The following ACRV1 variants were observed in gnomAD, a reference collection of about 807,000 sequenced individuals.
The protein encoded by ACRV1 is acrosomal protein SP-10.
ACRV1 carries 17 observed loss-of-function variants against 29.2 expected under a neutral mutation model. That is an observed-to-expected ratio of 0.58 (90% confidence interval 0.40 to 0.87). The LOEUF (loss-of-function observed/expected upper bound fraction) is 0.87. Among genes scored for constraint, ACRV1 ranks in the 40% least tolerant of loss-of-function variants. The probability of loss-of-function intolerance (pLI) is 0.00; values close to 1 mark genes in which losing one functional copy is unlikely to be tolerated. For synonymous variants in ACRV1, 98 were observed against 111.6 expected (o/e 0.88, Z 0.77); for missense variants, 294 against 316.0 (o/e 0.93, Z 0.53).
chr11:125,676,861 C>T (rs1243925515), intron 2 of ACRV1, among the ~76,000 whole-genome samples: 1 of 152,204 alleles, frequency 6.6e-6, no homozygotes, highest in African/African-American at 2.4e-5. Context: ...AAGGCACAAA[C>T]ACTTGGAGTC....
rs542253446 is a variant in ACRV1, at chr11:125,673,980, GA to G, written c.674-1264del. On this transcript the variant is annotated intron_variant, in intron 3 of 3. Coordinates refer to ENST00000533904, the MANE Select transcript of ACRV1 (RefSeq NM_001612.6). Reference sequence around the variant, plus strand: ...TCAAGACCAGCCTGGCCAAAATGGTGAAACACTGTCCCTGCTAAAAATACAG... The same window carrying G: ...TCAAGACCAGCCTGGCCAAAATGGTGAACACTGTCCCTGCTAAAAATACAG... Among the ~76,000 whole-genome samples the G allele has an allele frequency of 7.9e-5, 12 of 152,260 alleles. 1 individual carries two copies. The South Asian group carries it at 2.5e-3, about 32-fold the overall frequency.
At chr11:125,679,694 T>C (rs991432664) in intron 1 of ACRV1, among the ~76,000 whole-genome samples, 2 of 152,218 alleles carry the variant, frequency 1.3e-5, no homozygotes, top group African/African-American at 4.8e-5. Context: ...AGAGGAATTA[T>C]TGGATCTTTG....
chr11:125,678,202 A>G lies in ACRV1; in HGVS notation c.148T>C (p.Ser50Pro), dbSNP rs1219959794. ...PGEFFSLENP[S>P]DAEALYETSS... ...GTCTCATATAAAGCCTCAGCATCAG[A>G]AGGGTTTTCAAGTGAAAAGAACTCA... The change falls in exon 2 of 4, where the codon TCT becomes CCT. Residue 50 changes from serine (S) to proline (P), a missense_variant. By Grantham distance (74) the Ser-to-Pro change is moderately conservative. Coordinates refer to ENST00000533904, the MANE Select transcript of ACRV1 (RefSeq NM_001612.6). 6.2e-7 allele frequency: 1 copy of G among 1,614,172 alleles called. No homozygotes were observed. The highest frequency in any genetic ancestry group is 2.2e-5 in the East Asian group (1 of 44,884).
intron 3 of ACRV1, 183 bp downstream of exon 3, chr11:125,676,176 G>A: frequency 1.4e-6 from 1 of 694,860 alleles, no homozygotes; most frequent in Non-Finnish European, 2.3e-6. Flanking sequence ...CCAAAGTGCT[G>A]GGATTTTAGG....
chr11:125,676,160 G>T, intron 3 of ACRV1, 199 bp downstream of exon 3: 1 of 565,734 alleles, frequency 1.8e-6, no homozygotes, highest in Non-Finnish European at 3.0e-6. Flanking sequence ...CACCTGCCTT[G>T]GCCTCCCAAA....
In ACRV1 at chr11:125,672,335, G is replaced by A. The variant is rs1446698877; in HGVS notation, c.*258C>T. 8 of 427,160 alleles carry A rather than the reference G, an allele frequency of 1.9e-5. No homozygotes were observed. The Admixed American group carries it at 3.1e-4, about 16-fold the overall frequency. 26.5% of individuals were successfully genotyped at this position (427,160 alleles called of 1,614,324 possible). On this transcript the variant is annotated 3_prime_UTR_variant, in exon 4 of 4. Transcript: ENST00000533904. ...AAAAAGGTCTGTCTTGAGCCTGTGT[G>A]CTTTAACCATGTGAAATTTATTGAA...
intron 1 of ACRV1, among the ~76,000 whole-genome samples, chr11:125,678,978 T>TTATATATGTATATATATATATATATA (rs1942655109): frequency 1.1e-5 from 1 of 88,436 alleles, no homozygotes; most frequent in African/African-American, 4.3e-5. Context: ...TCTAGGCATA[T>TTATATATGTATATATATATATATATA]TATATATATA....
intron 1 of ACRV1, among the ~76,000 whole-genome samples, chr11:125,678,976 TATTATATA>T (rs1298683335): frequency 1.1e-4 from 2 of 18,496 alleles, no homozygotes; most frequent in African/African-American, 4.9e-4. Context: ...AGTCTAGGCA[TATTATATA>T]TATATATATA....
Position 125,678,990 on chromosome 11 carries a change from A to ATATATATATATATATATATATG in ACRV1, c.53-694_53-693insCATATATATATATATATATATA, listed in dbSNP as rs1942660160. Among the ~76,000 whole-genome samples, 2 of 140,470 alleles carry ATATATATATATATATATATATG rather than the reference A, an allele frequency of 1.4e-5. 1 individual carries two copies. The highest frequency in any genetic ancestry group is 1.4e-4 in the Admixed American group (2 of 13,990). The allele number at this position is 140,470 out of a possible 152,430, so 92.2% of individuals were successfully genotyped here. A position where few individuals can be genotyped will look rare whatever the true frequency, so the allele number is the denominator to read the frequency against. On this transcript the variant is annotated intron_variant, in intron 1 of 3. Transcript: ENST00000533904. ...AAGTCTAGGCATATTATATATATATATATATATAGACACACACACATATAT... is the reference window on the plus strand; with the variant it reads ...AAGTCTAGGCATATTATATATATATATATATATATATATATATATATGTATATATAGACACACACACATATAT...
intron 3 of ACRV1, among the ~76,000 whole-genome samples, 172 bp from the exon 4 acceptor site, chr11:125,672,889 C>T (rs150977776): frequency 1.4e-3 from 211 of 152,218 alleles, no homozygotes; most frequent in African/African-American, 4.5e-3. Context: ...CATCAGTTGC[C>T]CACTCCTTTC....
In ACRV1 at chr11:125,678,267, C is replaced by T; in HGVS notation, c.83G>A (p.Gly28Asp). The change falls in exon 2 of 4, where the codon GGC (glycine) becomes GAC (aspartate). Residue 28 changes from glycine to aspartate, a missense_variant. Gly to Asp is a moderately conservative substitution (Grantham distance 94, BLOSUM62 -1). Transcript: ENST00000533904. ...GTSSQPNELS[G>D]SIDHQTSVQQ... The stretch of plus-strand genomic sequence containing the variant: ...AACTGAAGTTTGATGATCTATGGAG[C>T]CAGAAAGCTCATTAGGCTGACTTGA... 1 of 1,613,986 alleles carries T rather than the reference C, an allele frequency of 6.2e-7. No individual in the cohort carries two copies.
intron 3 of ACRV1, among the ~76,000 whole-genome samples, chr11:125,673,273 C>T (rs1194889678): frequency 1.3e-5 from 2 of 151,110 alleles, no homozygotes; most frequent in African/African-American, 4.9e-5. Flanking sequence ...GGTGCAACCT[C>T]AGCTCACCGC....
In ACRV1 at chr11:125,671,786, C is replaced by A. The variant is rs913208286; in HGVS notation, c.*807G>T. 1.3e-5 allele frequency: 2 copies of A among 152,124 alleles called. No homozygotes were observed. The highest frequency in any genetic ancestry group is 4.8e-5 in the African/African-American group (2 of 41,418). 9.4% of individuals were successfully genotyped at this position (152,124 alleles called of 1,614,324 possible). On this transcript the variant is annotated 3_prime_UTR_variant, in exon 4 of 4. Transcript: ENST00000533904. ...TCCTTATTTGCAAAAAAGGATGATGCCATCTTTCCTGTCTACCACTCTGGG... is the reference window on the plus strand; with the variant it reads ...TCCTTATTTGCAAAAAAGGATGATGACATCTTTCCTGTCTACCACTCTGGG...
intron 3 of ACRV1, among the ~76,000 whole-genome samples, chr11:125,675,126 G>A (rs1942428704): frequency 6.6e-6 from 1 of 152,104 alleles, no homozygotes; most frequent in African/African-American, 2.4e-5. Context: ...AATTGCTTTG[G>A]TGCAACCTGA....
At chr11:125,679,461 G>T (rs373064053) in intron 1 of ACRV1, among the ~76,000 whole-genome samples, 4 of 151,798 alleles carry the variant, frequency 2.6e-5, no homozygotes, top group Non-Finnish European at 4.4e-5. Flanking sequence ...CAAGTGATCC[G>T]CCCGCCTCAG....
Position 125,672,686 on chromosome 11 carries a change from A to G in ACRV1, c.705T>C (p.Cys235=). Reference sequence around the variant, plus strand: ...GGTTCATAGATGGGCACATGTTCTCACACCCTTGAACCATGAATTGGAGTT... The same window carrying G: ...GGTTCATAGATGGGCACATGTTCTCGCACCCTTGAACCATGAATTGGAGTT... ...GGKLQFMVQG[C]ENMCPSMNLF... The change falls in exon 4 of 4, where the codon TGT becomes TGC. Residue 235 remains cysteine (C), a synonymous_variant. Transcript: ENST00000533904. The G allele has an allele frequency of 1.2e-6, 2 of 1,614,114 alleles. No homozygotes were observed. Among genetic ancestry groups the G allele is most frequent in the Non-Finnish European group, 1.7e-6 (2 of 1,180,010 alleles).
At chr11:125,679,371 C>T (rs981041546) in intron 1 of ACRV1, among the ~76,000 whole-genome samples, 7 of 151,970 alleles carry the variant, frequency 4.6e-5, no homozygotes, top group African/African-American at 1.7e-4. Context: ...GTGCATGCCA[C>T]CATACCTGGC....
At position 125,672,519 on chromosome 11, in the gene ACRV1, A is replaced by G; in HGVS notation, c.*74T>C. 1 of 1,570,234 alleles carries G rather than the reference A, an allele frequency of 6.4e-7. No homozygotes were observed. Reference sequence around the variant, plus strand: ...TCAGTTGTTGACTGGGGAAGGAACTAAATATAAAATGAGCCAAATAGAGTG... The same window carrying G: ...TCAGTTGTTGACTGGGGAAGGAACTGAATATAAAATGAGCCAAATAGAGTG... On this transcript the variant is annotated 3_prime_UTR_variant, in exon 4 of 4. Transcript: ENST00000533904.
Position 125,678,024 on chromosome 11 carries a change from G to T in ACRV1, c.326C>A (p.Thr109Asn). 1 of 1,614,152 alleles carries T rather than the reference G, an allele frequency of 6.2e-7. No individual in the cohort carries two copies. Among genetic ancestry groups the T allele is most frequent in the Non-Finnish European group, 8.5e-7 (1 of 1,180,010 alleles). The change falls in exon 2 of 4, where the codon ACT becomes AAT. Residue 109 changes from threonine (T) to asparagine (N), a missense_variant. Thr to Asn is a moderately conservative substitution (Grantham distance 65, BLOSUM62 0). Coordinates refer to ENST00000533904, the MANE Select transcript of ACRV1 (RefSeq NM_001612.6). ...AATEHAEGEH[T>N]VGEQPSGEQP... ...TTCTCCTGAAGGCTGCTCACCTACA[G>T]TATGCTCACCTTCAGCATGTTCAGT...
Sources: allele counts gnomAD v4.1 joint callset (sites outside exome capture counted in the v4.1 genomes callset), GRCh38; gene constraint gnomAD v4.1.1; transcripts MANE v1.5; gene names NCBI Gene and HGNC (gene_info 2026-07-23, HGNC 2026-07-21).